Variants in MGMT observed in about 807,000 individuals in gnomAD.
MGMT encodes methylated-DNA--protein-cysteine methyltransferase.
A neutral mutation model predicts 15.9 loss-of-function variants in MGMT; 14 were observed. That is an observed-to-expected ratio of 0.88 (90% CI 0.58 to 1.37). The LOEUF (loss-of-function observed/expected upper bound fraction) is 1.37. Ranked by LOEUF, MGMT falls within the 40% of genes most tolerant of loss-of-function variation. The pLI is 0.00. For synonymous variants in MGMT, 130 were observed against 118.2 expected (o/e 1.10, Z -0.65); for missense variants, 282 against 268.1 (o/e 1.05, Z -0.36).
intron 2 of MGMT, among the ~76,000 whole-genome samples, chr10:129,618,838 G>C (rs867962674): frequency 7.9e-5 from 12 of 152,294 alleles, no homozygotes; most frequent in African/African-American, 2.4e-4. Flanking sequence ...AATTTGTCTA[G>C]TATGCTGTGA....
chr10:129,609,898 G>A lies in MGMT; in HGVS notation c.125+73521G>A, dbSNP rs556361024. Among the ~76,000 whole-genome samples, 14 of 152,252 alleles carry A rather than the reference G, an allele frequency of 9.2e-5. No individual in the cohort carries two copies. The East Asian group carries it at 2.7e-3, about 30-fold the overall frequency. The stretch of plus-strand genomic sequence containing the variant: ...GAGCAGGGCCTTTAGAAAAAGGCCC[G>A]GGAGCTTGGCAGCAGAAAGGAGGGT... On this transcript the variant is annotated intron_variant, in intron 2 of 4. Coordinates refer to ENST00000651593, the MANE Select transcript of MGMT (RefSeq NM_002412.5).
chr10:129,603,954 G>GCTGGAGGC (rs1564865771), intron 2 of MGMT, among the ~76,000 whole-genome samples: 1 of 152,198 alleles, frequency 6.6e-6, no homozygotes. Flanking sequence ...GCAGTGGAGG[G>GCTGGAGGC]CTGGAGGCCT....
chr10:129,468,407 T>C (rs1241005466), intron 1 of MGMT, among the ~76,000 whole-genome samples: 1 of 152,118 alleles, frequency 6.6e-6, no homozygotes, highest in African/African-American at 2.4e-5. Context: ...ACCCGGAGTC[T>C]GCCTGCAAGT....
At chr10:129,468,586 TA>T (rs756786015) in intron 1 of MGMT, among the ~76,000 whole-genome samples, 146 of 145,638 alleles carry the variant, frequency 1.0e-3, no homozygotes, top group African/African-American at 1.2e-3. Flanking sequence ...ATATCTTCAT[TA>T]AAAAAAAAAA....
At chr10:129,737,499 A>G (rs1420705967) in intron 3 of MGMT, among the ~76,000 whole-genome samples, 1 of 152,110 alleles carries the variant, frequency 6.6e-6, no homozygotes, top group Non-Finnish European at 1.5e-5. Context: ...TTTGGTTTGA[A>G]TGTCCTCCCG....
At chr10:129,543,496 G>T (rs1459984201) in intron 2 of MGMT, among the ~76,000 whole-genome samples, 1 of 152,186 alleles carries the variant, frequency 6.6e-6, no homozygotes, top group Non-Finnish European at 1.5e-5. Flanking sequence ...TGAAATTGTT[G>T]TATGGTTTCT....
intron 2 of MGMT, among the ~76,000 whole-genome samples, chr10:129,581,025 C>T (rs1191898902): frequency 6.6e-6 from 1 of 152,152 alleles, no homozygotes; most frequent in Admixed American, 6.5e-5. Flanking sequence ...ATTTGGATTC[C>T]TCATAAAGCA....
intron 1 of MGMT, among the ~76,000 whole-genome samples, chr10:129,487,939 A>G (rs1434314622): frequency 3.4e-5 from 5 of 146,818 alleles, no homozygotes; most frequent in Non-Finnish European, 6.0e-5. Flanking sequence ...GTGTGTGTAT[A>G]TATATACACA....
chr10:129,577,968 C>G (rs552998559), intron 2 of MGMT, among the ~76,000 whole-genome samples: 26 of 152,306 alleles, frequency 1.7e-4, no homozygotes, highest in Admixed American at 9.8e-4. Flanking sequence ...AAATGCAACT[C>G]AAAACCACAA....
chr10:129,706,060 C>T (rs1848156964), intron 2 of MGMT, among the ~76,000 whole-genome samples: 1 of 152,226 alleles, frequency 6.6e-6, no homozygotes, highest in Non-Finnish European at 1.5e-5. Flanking sequence ...AGCTGCGGTG[C>T]CTTCTGCCTC....
At chr10:129,703,960 C>T (rs1029879202) in intron 2 of MGMT, among the ~76,000 whole-genome samples, 3 of 152,136 alleles carry the variant, frequency 2.0e-5, no homozygotes, top group Non-Finnish European at 4.4e-5. Flanking sequence ...TGGTGGTTGA[C>T]AGCAGCCAGC....
Position 129,751,894 on chromosome 10 carries a change from TG to T in MGMT, c.275-7307del, listed in dbSNP as rs1848754104. On this transcript the variant is annotated intron_variant, in intron 3 of 4. Coordinates refer to ENST00000651593, the MANE Select transcript of MGMT (RefSeq NM_002412.5). ...GTAACTTATATGATTGCAGTCATTT[TG>T]CATGTGTTAAGGTTTATGGCCCAGA... 2.0e-5 allele frequency among the ~76,000 whole-genome samples: 3 copies of T among 152,066 alleles called. 1 individual carries two copies. In the South Asian group the frequency reaches 6.2e-4, roughly 31 times the overall value.
chr10:129,645,658 A>T (rs1847380251), intron 2 of MGMT, among the ~76,000 whole-genome samples: 1 of 152,174 alleles, frequency 6.6e-6, no homozygotes, highest in Non-Finnish European at 1.5e-5. Context: ...GTGGTTTTCC[A>T]CTGGGTCTCC....
At chr10:129,758,487 A>G (rs982261618) in intron 3 of MGMT, among the ~76,000 whole-genome samples, 9 of 152,090 alleles carry the variant, frequency 5.9e-5, no homozygotes, top group African/African-American at 1.9e-4. Flanking sequence ...ACTCCCAGGT[A>G]ACAGTTCTGA....
At chr10:129,551,280 G>T (rs569214007) in intron 2 of MGMT, among the ~76,000 whole-genome samples, 33 of 152,324 alleles carry the variant, frequency 2.2e-4, no homozygotes, top group African/African-American at 7.7e-4. Context: ...AATGATGCTG[G>T]GTTAACCATT....
chr10:129,580,061 C>T (rs568594165), intron 2 of MGMT, among the ~76,000 whole-genome samples: 7 of 152,258 alleles, frequency 4.6e-5, no homozygotes, highest in African/African-American at 1.2e-4. Flanking sequence ...AGGCTTTGTT[C>T]GACCCGGGTG....
At chr10:129,512,886 A>G (rs1251310592) in intron 1 of MGMT, among the ~76,000 whole-genome samples, 5 of 150,298 alleles carry the variant, frequency 3.3e-5, no homozygotes, top group African/African-American at 1.2e-4. Flanking sequence ...TGGCCCAGCA[A>G]TTCTACCCCT....
chr10:129,621,763 G>A (rs1847093338), intron 2 of MGMT, among the ~76,000 whole-genome samples: 2 of 152,154 alleles, frequency 1.3e-5, no homozygotes, highest in East Asian at 1.9e-4. Context: ...CTTTCCTATC[G>A]AATTTGCTTT....
At chr10:129,510,775 C>T (rs571084528) in intron 1 of MGMT, among the ~76,000 whole-genome samples, 3 of 151,666 alleles carry the variant, frequency 2.0e-5, no homozygotes, top group South Asian at 2.1e-4. Context: ...AGATACCAGA[C>T]GCAGCCAGAT....
Sources: gnomAD v4.1 joint callset for allele counts (sites outside exome capture counted in the v4.1 genomes callset) on GRCh38, gnomAD v4.1.1 for gene constraint, MANE v1.5 for transcripts, NCBI Gene and HGNC (gene_info 2026-07-23, HGNC 2026-07-21) for gene names.